The following SOX5 variants were observed in gnomAD, a reference collection of about 807,000 sequenced individuals.
SOX5 encodes SRY-box transcription factor 5.
In SOX5, 9 loss-of-function variants were observed where a neutral mutation model predicts 92.0. The observed-to-expected ratio is 0.10, with a 90% CI of 0.06 to 0.17. SOX5 has a LOEUF of 0.17. SOX5 is among the 10% of genes least tolerant of loss of function. The pLI is 1.00. For synonymous variants in SOX5, 344 were observed against 336.3 expected, an observed-to-expected ratio of 1.02 and a Z score of -0.25; for missense variants, 642 against 944.5, an observed-to-expected ratio of 0.68 and a Z score of 4.20.
intron 1 of SOX5, among the ~76,000 whole-genome samples, chr12:24,458,971 C>G (rs537080248): frequency 6.6e-6 from 1 of 152,034 alleles, no homozygotes; most frequent in Admixed American, 6.6e-5. Context: ...AGACTTTGAA[C>G]AGAAATAAGA....
chr12:23,570,039 C>G (rs1415253917), intron 10 of SOX5, among the ~76,000 whole-genome samples: 1 of 152,088 alleles, frequency 6.6e-6, no homozygotes, highest in Non-Finnish European at 1.5e-5. Context: ...GTCTTCTTAT[C>G]AATAGAAGCC....
At chr12:24,108,513 ACT>A (rs765915446) in intron 4 of SOX5, among the ~76,000 whole-genome samples, 16 of 152,130 alleles carry the variant, frequency 1.1e-4, no homozygotes, top group Non-Finnish European at 2.4e-4. Flanking sequence ...TGTCAAGTTA[ACT>A]CTCTAATTAT....
intron 1 of SOX5, among the ~76,000 whole-genome samples, chr12:24,525,550 A>G (rs1204132638): frequency 6.6e-6 from 1 of 152,192 alleles, no homozygotes; most frequent in African/African-American, 2.4e-5. Flanking sequence ...ACCACAATGA[A>G]ATAAAAAATT....
intron 3 of SOX5, among the ~76,000 whole-genome samples, chr12:24,238,239 C>T (rs1447787188): frequency 6.6e-6 from 1 of 152,062 alleles, no homozygotes; most frequent in African/African-American, 2.4e-5. Context: ...CTTTTCTCTC[C>T]ATGGTGGATA....
intron 1 of SOX5, among the ~76,000 whole-genome samples, chr12:24,386,149 T>A (rs1349584347): frequency 1.3e-5 from 2 of 152,000 alleles, no homozygotes; most frequent in African/African-American, 2.4e-5. Flanking sequence ...AGGAAAAAAA[T>A]TGGTTCCATT....
intron 3 of SOX5, among the ~76,000 whole-genome samples, chr12:24,220,574 T>A (rs1414420328): frequency 3.3e-5 from 5 of 152,140 alleles, no homozygotes; most frequent in Non-Finnish European, 7.4e-5. Flanking sequence ...TATGTTATTA[T>A]TTAAACGGGG....
intron 4 of SOX5, among the ~76,000 whole-genome samples, chr12:24,158,907 A>G (rs969357351): frequency 1.3e-5 from 2 of 151,940 alleles, no homozygotes; most frequent in Non-Finnish European, 2.9e-5. Flanking sequence ...TTATCAAATA[A>G]TGAATCAATG....
intron 3 of SOX5, among the ~76,000 whole-genome samples, chr12:23,756,604 C>T (rs1338769039): frequency 2.0e-5 from 3 of 151,848 alleles, no homozygotes; most frequent in East Asian, 3.9e-4. Flanking sequence ...CTTTCAATCC[C>T]GTGATTAGCG....
chr12:24,462,192 T>C (rs1351727964), intron 1 of SOX5, among the ~76,000 whole-genome samples: 1 of 152,210 alleles, frequency 6.6e-6, no homozygotes, highest in Non-Finnish European at 1.5e-5. Flanking sequence ...AGCCTATTAC[T>C]CCCAGTCTAT....
rs548754921 is a variant in SOX5, at chr12:24,376,572, A to T, written c.-250-7933T>A. ...GTAAATGAGACTCAGATGGTCAATA[A>T]TAATCATAAAAGCAAACATTTAGAT... On this transcript the variant is annotated intron_variant, in intron 1 of 4. Transcript: ENST00000446891. Among the ~76,000 whole-genome samples, 5 of 152,292 alleles carry T rather than the reference A, an allele frequency of 3.3e-5. No individual in the cohort carries two copies. The South Asian group carries it at 1.0e-3, about 32-fold the overall frequency.
At chr12:24,313,622 T>A (rs1032127622) in intron 2 of SOX5, among the ~76,000 whole-genome samples, 3 of 152,250 alleles carry the variant, frequency 2.0e-5, no homozygotes, top group Non-Finnish European at 4.4e-5. Flanking sequence ...TGATCACTCG[T>A]GCTCCTTGTT....
chr12:23,572,424 G>A (rs1592181487), intron 10 of SOX5, among the ~76,000 whole-genome samples: 1 of 149,644 alleles, frequency 6.7e-6, no homozygotes, highest in East Asian at 2.0e-4. Flanking sequence ...TGGAAATTAT[G>A]AGGGATGTGT....
intron 2 of SOX5, among the ~76,000 whole-genome samples, chr12:23,876,041 T>TA (rs1308155734): frequency 6.6e-6 from 1 of 152,210 alleles, no homozygotes; most frequent in Non-Finnish European, 1.5e-5. Flanking sequence ...CAGCAAGTTG[T>TA]AGTTTGTTGA....
rs936780435 is a variant in SOX5, at chr12:24,056,750, C to T, written c.-2+156593G>A. 7.3e-5 allele frequency among the ~76,000 whole-genome samples: 11 copies of T among 151,372 alleles called. No homozygotes were observed. The East Asian group carries it at 2.1e-3, about 30-fold the overall frequency. ...CAGCACTTTGGGAGGCCGAGGCGGG[C>T]GGATCACGAGGTCAGGAGATCGAGA... On this transcript the variant is annotated intron_variant, in intron 4 of 4. Coordinates refer to the SOX5 transcript ENST00000446891.
At chr12:24,296,039 C>A (rs1463736006) in intron 2 of SOX5, among the ~76,000 whole-genome samples, 1 of 152,172 alleles carries the variant, frequency 6.6e-6, no homozygotes, top group Admixed American at 6.5e-5. Context: ...TCCTTAAAAT[C>A]TGAAGCACTC....
intron 1 of SOX5, among the ~76,000 whole-genome samples, chr12:24,405,293 T>TGG (rs201631973): frequency 6.6e-5 from 10 of 152,088 alleles, no homozygotes; most frequent in African/African-American, 2.4e-4. Context: ...TATTTTATCA[T>TGG]GGGGGGGTAT....
At chr12:24,471,458 C>A (rs764034699) in intron 1 of SOX5, among the ~76,000 whole-genome samples, 3 of 152,160 alleles carry the variant, frequency 2.0e-5, no homozygotes, top group Non-Finnish European at 4.4e-5. Context: ...GCCCCATCAC[C>A]ATTATCCTGA....
intron 1 of SOX5, among the ~76,000 whole-genome samples, chr12:23,896,714 T>TAAAAAAAAAAAAAAAAAAAA (rs11306331): frequency 8.1e-6 from 1 of 123,830 alleles, no homozygotes. Context: ...TGCAAGGTAG[T>TAAAAAAAAAAAAAAAAAAAA]AAAAAAAAAA....
intron 2 of SOX5, among the ~76,000 whole-genome samples, chr12:23,890,511 T>C (rs1057138225): frequency 6.6e-6 from 1 of 151,976 alleles, no homozygotes; most frequent in African/African-American, 2.4e-5. Flanking sequence ...CCAACAGAAG[T>C]AGCAAAGAAG....
Sources: gnomAD v4.1 joint callset for allele counts (sites outside exome capture counted in the v4.1 genomes callset) on GRCh38, gnomAD v4.1.1 for gene constraint, MANE v1.5 for transcripts, NCBI Gene and HGNC (gene_info 2026-07-23, HGNC 2026-07-21) for gene names.